PCDHGB3: variants seen among roughly 807,000 people sequenced by gnomAD.
PCDHGB3 encodes protocadherin gamma subfamily B, 3, also known as protocadherin gamma-B3.
PCDHGB3 carries 40 observed loss-of-function variants against 59.2 expected under a neutral mutation model. That is an observed-to-expected ratio of 0.68 (90% CI 0.52 to 0.88). PCDHGB3 has a LOEUF of 0.88. Ranked by LOEUF, PCDHGB3 falls within the 40% of genes least tolerant of loss-of-function variation. PCDHGB3 has a pLI of 0.00. For synonymous variants in PCDHGB3, 581 were observed against 503.6 expected, an observed-to-expected ratio of 1.15 and a Z score of -2.06; for missense variants, 1,309 against 1,187.9, an observed-to-expected ratio of 1.10 and a Z score of -1.50.
intron 1 of PCDHGB3, chr5:141,405,413 T>C: frequency 6.4e-7 from 1 of 1,561,606 alleles, no homozygotes; most frequent in South Asian, 1.2e-5. Context: ...TTTTCTTTTT[T>C]TGTTTTTTGT....
chr5:141,372,698 C>G lies in PCDHGB3; in HGVS notation c.2304C>G (p.Leu768=). 1 of 1,613,986 alleles carries G rather than the reference C, an allele frequency of 6.2e-7. No homozygotes were observed. The highest frequency in any genetic ancestry group is 8.5e-7 in the Non-Finnish European group (1 of 1,179,878). ...CCTCAAACACCGAGTTTAAATTTCT[C>G]AATATAAAGGCTGAAAATGCTGCAC... The part of the protein sequence containing the change: ...SHSSNTEFKF[L]NIKAENAAPQ... Residue 768 remains leucine, a synonymous_variant, in exon 1 of 4, where the codon CTC becomes CTG. Coordinates refer to ENST00000576222, the MANE Select transcript of PCDHGB3 (RefSeq NM_018924.5).
At chr5:141,384,686 A>G (rs1314292313) in intron 1 of PCDHGB3, 1 of 1,613,842 alleles carries the variant, frequency 6.2e-7, no homozygotes, top group African/African-American at 1.3e-5. Context: ...GCGGTGGACA[A>G]AGATTCAGGC....
rs971610218 is a variant in PCDHGB3, at chr5:141,400,979, C to T, written c.2415+28170C>T. Among the ~76,000 whole-genome samples, 10 of 152,258 alleles carry T rather than the reference C, an allele frequency of 6.6e-5. No individual in the cohort carries two copies. The East Asian group carries it at 9.6e-4, about 15-fold the overall frequency. ...GTAGTTTTCATCTCTTTCTTATGTT[C>T]CTCATATATGCTTTCTTATTCCTAC... On this transcript the variant is annotated intron_variant, in intron 1 of 3. Transcript: ENST00000576222.
At chr5:141,388,866 C>T in intron 1 of PCDHGB3, 1 of 1,613,950 alleles carries the variant, frequency 6.2e-7, no homozygotes, top group Non-Finnish European at 8.5e-7. Flanking sequence ...AATGATTGCG[C>T]AATGCACAGT....
intron 1 of PCDHGB3, chr5:141,399,529 G>C: frequency 6.2e-7 from 1 of 1,614,010 alleles, no homozygotes; most frequent in African/African-American, 1.3e-5. Context: ...GGCCTCCATC[G>C]CGCAAGTCTG....
rs1167812243 is a variant in PCDHGB3, at chr5:141,414,179, C to T, written c.2415+41370C>T. ...GATGGAGGAGCATATCTTGCAACTG[C>T]AAAAGTGTTGATTACAGTAGAAGAT... On this transcript the variant is annotated intron_variant, in intron 1 of 3. Transcript: ENST00000576222. 3 of 1,608,128 alleles carry T rather than the reference C, an allele frequency of 1.9e-6. No individual in the cohort carries two copies. In the South Asian group the frequency reaches 3.3e-5, roughly 18 times the overall value.
chr5:141,431,511 T>G lies in PCDHGB3; in HGVS notation c.2415+58702T>G, dbSNP rs1234369765. 6.2e-7 allele frequency: 1 copy of G among 1,614,018 alleles called. No individual in the cohort carries two copies. On this transcript the variant is annotated intron_variant, in intron 1 of 3. Transcript: ENST00000576222. The surrounding 1 kb of genome is among the most constrained non-coding windows in gnomAD (Gnocchi z 4.8). ...GCTCAGCCCGAGTACCGCGCGAGCGTTCCGGAGAATCTGGCCTTGGGCACG... is the reference window on the plus strand; with the variant it reads ...GCTCAGCCCGAGTACCGCGCGAGCGGTCCGGAGAATCTGGCCTTGGGCACG...
chr5:141,403,135 GCGCCGAGTC>G, intron 1 of PCDHGB3: 4 of 1,614,064 alleles, frequency 2.5e-6, no homozygotes, highest in Non-Finnish European at 3.4e-6. Context: ...AGCTGGCGGA[GCGCCGAGTC>G]CGCATCGTCT....
intron 1 of PCDHGB3, chr5:141,400,510 T>C: frequency 6.2e-7 from 1 of 1,613,972 alleles, no homozygotes; most frequent in Non-Finnish European, 8.5e-7. Context: ...CGAGTCGACT[T>C]CCCATCCTGA....
At chr5:141,473,375 T>C (rs1433212994) in intron 1 of PCDHGB3, among the ~76,000 whole-genome samples, 1 of 152,192 alleles carries the variant, frequency 6.6e-6, no homozygotes, top group African/African-American at 2.4e-5. Flanking sequence ...AATAGCATGG[T>C]CCCTGCCCTC....
At chr5:141,383,710 G>T in intron 1 of PCDHGB3, 1 of 1,613,992 alleles carries the variant, frequency 6.2e-7, no homozygotes, top group South Asian at 1.1e-5. Context: ...CGACCTGGAC[G>T]AGGGAGTCAA....
intron 2 of PCDHGB3, among the ~76,000 whole-genome samples, chr5:141,496,230 C>T (rs1336418553): frequency 2.6e-5 from 4 of 152,160 alleles, no homozygotes; most frequent in Admixed American, 2.0e-4. Flanking sequence ...AGACAGGAAC[C>T]CCCTGCGGGC....
chr5:141,410,091 G>C (rs778509378), intron 1 of PCDHGB3: 8 of 1,612,400 alleles, frequency 5.0e-6, no homozygotes, highest in South Asian at 1.1e-5. Context: ...CGCACGGCTC[G>C]AGCCTTAGGC....
intron 1 of PCDHGB3, chr5:141,400,114 A>G: frequency 6.2e-7 from 1 of 1,614,074 alleles, no homozygotes; most frequent in Admixed American, 1.7e-5. Context: ...CTTTGCTGAC[A>G]GCTTGCAGGA....
At chr5:141,497,212 G>T (rs968445663) in intron 2 of PCDHGB3, among the ~76,000 whole-genome samples, 3 of 150,900 alleles carry the variant, frequency 2.0e-5, no homozygotes, top group Non-Finnish European at 3.0e-5. Context: ...AGTGTAATGG[G>T]GGGGGGAAGA....
intron 1 of PCDHGB3, chr5:141,417,860 A>G (rs1168739756): frequency 7.7e-6 from 12 of 1,549,390 alleles, no homozygotes; most frequent in African/African-American, 1.4e-5. Flanking sequence ...CGAGCGAACG[A>G]TGGGAGGGAG....
In PCDHGB3 at chr5:141,371,896, T is replaced by C. The variant is rs760450150; in HGVS notation, c.1502T>C (p.Leu501Pro). 2 of 1,613,426 alleles carry C rather than the reference T, an allele frequency of 1.2e-6. No homozygotes were observed. The highest frequency in any genetic ancestry group is 1.7e-5 in the Admixed American group (1 of 60,036). The change falls in exon 1 of 4, where the codon CTG becomes CCG. Residue 501 changes from leucine (L) to proline (P), a missense_variant. By Grantham distance (98) the Leu-to-Pro change is moderately conservative. Coordinates refer to ENST00000576222, the MANE Select transcript of PCDHGB3 (RefSeq NM_018924.5). ...GCCAGTGACCTGGAGCCGCGGGAGC[T>C]GTCGTCCTACGTGTCCGTGAGCGCG... is the stretch of plus-strand genomic sequence containing the variant. ...IVASDLEPRE[L>P]SSYVSVSARS...
At chr5:141,410,348 C>T (rs761119683) in intron 1 of PCDHGB3, 3 of 1,614,034 alleles carry the variant, frequency 1.9e-6, no homozygotes, top group East Asian at 2.2e-5. Context: ...CTTGCGCCTG[C>T]GACGCTCTCT....
rs202065305 is a variant in PCDHGB3 at position 141,410,175 on chromosome 5, C to A, written c.2415+37366C>A. 1.1e-5 allele frequency: 17 copies of A among 1,613,752 alleles called. No homozygotes were observed. In the African/African-American group the frequency reaches 2.1e-4, roughly 20 times the overall value. ...GGACAGCCGCCACTCTCTGCCACCG[C>A]CACGCTTCATCTGGTCTTCGCAGAC... On this transcript the variant is annotated intron_variant, in intron 1 of 3. Transcript: ENST00000576222.
Sources: allele counts gnomAD v4.1 joint callset (sites outside exome capture counted in the v4.1 genomes callset), GRCh38; gene constraint gnomAD v4.1.1; non-coding constraint Gnocchi (gnomAD v3.1); transcripts MANE v1.5; gene names NCBI Gene and HGNC (gene_info 2026-07-23, HGNC 2026-07-21).